HDDC2: variants seen among roughly 807,000 people sequenced by gnomAD.
HDDC2 encodes the protein 5'-deoxynucleotidase HDDC2.
Under a neutral mutation model 25.5 loss-of-function variants are expected in HDDC2, and 25 were observed. The observed-to-expected ratio is 0.98, with a 90% CI of 0.72 to 1.37. HDDC2 has a LOEUF of 1.37. Among genes scored for constraint, HDDC2 ranks in the 40% most tolerant of loss-of-function variants. The pLI is 0.00. For missense variants in HDDC2, 264 were observed against 253.1 expected, an observed-to-expected ratio of 1.04 and a Z score of -0.29; for synonymous variants, 106 against 89.7, an observed-to-expected ratio of 1.18 and a Z score of -1.03.
rs546811535 is a variant in HDDC2 at position 125,285,738 on chromosome 6, A to T, written c.378+7103T>A. 1.6e-4 allele frequency among the ~76,000 whole-genome samples: 24 copies of T among 152,322 alleles called. No homozygotes were observed. In the South Asian group the frequency reaches 5.0e-3, roughly 32 times the overall value. On this transcript the variant is annotated intron_variant, in intron 4 of 5. Transcript: ENST00000398153. ...ATAAGCAACATGAAGATACATTCTA[A>T]TAAAATTACCAGACTTAAAAGAAAA...
Sources: allele counts gnomAD v4.1 joint callset (sites outside exome capture counted in the v4.1 genomes callset), GRCh38; gene constraint gnomAD v4.1.1; transcripts MANE v1.5; gene names NCBI Gene and HGNC (gene_info 2026-07-23, HGNC 2026-07-21).